Variants in HECA observed in about 807,000 individuals in gnomAD.
HECA encodes HECA ribonucleoprotein granule regulator.
Under a neutral mutation model 37.6 loss-of-function variants are expected in HECA, and 13 were observed. The observed-to-expected ratio is 0.35, with a 90% CI of 0.23 to 0.55. HECA has a LOEUF of 0.55. Among genes scored for constraint, HECA ranks in the 20% least tolerant of loss-of-function variants. HECA has a pLI of 0.90. For missense variants in HECA, 527 were observed against 701.9 expected (o/e 0.75, Z 2.82); for synonymous variants, 307 against 291.5 (o/e 1.05, Z -0.54).
At chr6:139,152,418 A>ATGTGTGTGTGTGTGTGTGTGTG (rs56410451) in intron 1 of HECA, among the ~76,000 whole-genome samples, 1,861 of 147,482 alleles carry the variant, frequency 0.013, 29 homozygotes, top group South Asian at 0.052. Flanking sequence ...GAAGCATTGG[A>ATGTGTGTGTGTGTGTGTGTGTG]TGTGTGTGTG....
Position 139,179,053 on chromosome 6 carries a change from A to G in HECA, c.*1948A>G, listed in dbSNP as rs148047269. On this transcript the variant is annotated 3_prime_UTR_variant, in exon 4 of 4. Transcript: ENST00000367658. Reference sequence around the variant, plus strand: ...GTGGGAAGAAATGCATAAAATGCCTATAAGAAGTAGAAAGTCATTGAACTG... The same window carrying G: ...GTGGGAAGAAATGCATAAAATGCCTGTAAGAAGTAGAAAGTCATTGAACTG... The G allele has an allele frequency of 5.6e-4, 86 of 152,294 alleles. No individual in the cohort carries two copies. Among genetic ancestry groups the G allele is most frequent in the African/African-American group, 2.1e-3 (86 of 41,562 alleles). The allele number at this position is 152,294 out of a possible 1,614,324, so 9.4% of individuals were successfully genotyped here.
rs539395892 is a variant in HECA at position 139,153,619 on chromosome 6, C to T, written c.272-12665C>T. ...TGTATTTTTAGTAGAGACGAGGTTT[C>T]GCCATGTTGGTCAGGCTGGTCACTC... On this transcript the variant is annotated intron_variant, in intron 1 of 3. Coordinates refer to ENST00000367658, the MANE Select transcript of HECA (RefSeq NM_016217.3). Among the ~76,000 whole-genome samples the T allele has an allele frequency of 7.2e-5, 11 of 152,002 alleles. No individual in the cohort carries two copies. The East Asian group carries it at 1.4e-3, about 19-fold the overall frequency.
In HECA at chr6:139,153,261, G is replaced by A. The variant is rs992251910; in HGVS notation, c.272-13023G>A. 2.6e-5 allele frequency: 4 copies of A among 152,064 alleles called. No homozygotes were observed. In the East Asian group the frequency reaches 7.7e-4, roughly 29 times the overall value. The allele number at this position is 152,064 out of a possible 1,614,324, so 9.4% of individuals were successfully genotyped here. ...CTAAGAGAATTAGAAAAAAAACAGG[G>A]TTCTTGTAAATTTTTAAGTTGTCAC... is the stretch of plus-strand genomic sequence containing the variant. On this transcript the variant is annotated intron_variant, in intron 1 of 3. Transcript: ENST00000367658.
chr6:139,164,334 C>T (rs1255544360), intron 1 of HECA, among the ~76,000 whole-genome samples: 1 of 152,018 alleles, frequency 6.6e-6, no homozygotes, highest in African/African-American at 2.4e-5. Context: ...GTAGTATTTC[C>T]CTCCAAAGGG....
In HECA at chr6:139,148,967, G is replaced by A. The variant is rs547846015; in HGVS notation, c.271+13300G>A. On this transcript the variant is annotated intron_variant, in intron 1 of 3. Transcript: ENST00000367658. Reference sequence around the variant, plus strand: ...GTAGATAAAGACTCATTATTTACTTGTAATTGCCTCTTCTCAAGAACCAGG... The same window carrying A: ...GTAGATAAAGACTCATTATTTACTTATAATTGCCTCTTCTCAAGAACCAGG... 2.0e-5 allele frequency among the ~76,000 whole-genome samples: 3 copies of A among 152,168 alleles called. No homozygotes were observed. In the South Asian group the frequency reaches 6.2e-4, roughly 32 times the overall value.
At chr6:139,174,571 G>A in intron 3 of HECA, 32 bp downstream of exon 3, 1 of 1,604,354 alleles carries the variant, frequency 6.2e-7, no homozygotes, top group East Asian at 2.2e-5. Flanking sequence ...GGAGCAGTGG[G>A]TGATATTAGG....
intron 1 of HECA, chr6:139,144,450 G>A (rs1436179305): frequency 6.6e-6 from 1 of 152,456 alleles, no homozygotes; most frequent in Non-Finnish European, 1.5e-5. Flanking sequence ...AAAGGTAGAG[G>A]AAGGATGTTC....
At position 139,135,262 on chromosome 6, in the gene HECA, C is replaced by A; in HGVS notation, c.-135C>A. ...GCGCGGCACGGGCCGTGCGGCTAGA[C>A]GGGAGCCGAGGGAACCGCCGGCTCG... On this transcript the variant is annotated 5_prime_UTR_variant, in exon 1 of 4. Coordinates refer to ENST00000367658, the MANE Select transcript of HECA (RefSeq NM_016217.3). The A allele has an allele frequency of 1.5e-6, 1 of 680,396 alleles. No individual in the cohort carries two copies. The highest frequency in any genetic ancestry group is 1.9e-6 in the Non-Finnish European group (1 of 523,754). The allele number at this position is 680,396 out of a possible 1,614,324, so 42.1% of individuals were successfully genotyped here.
chr6:139,157,455 A>G (rs778074126), intron 1 of HECA, among the ~76,000 whole-genome samples: 2 of 152,276 alleles, frequency 1.3e-5, no homozygotes, highest in Non-Finnish European at 2.9e-5. Context: ...CAGAGTACTT[A>G]TTTGTCTGAC....
chr6:139,137,341 C>T lies in HECA; in HGVS notation c.271+1674C>T, dbSNP rs141261346. Among the ~76,000 whole-genome samples, 394 of 152,238 alleles carry T rather than the reference C, an allele frequency of 2.6e-3. 5 individuals are homozygous for T. Among genetic ancestry groups the T allele is most frequent in the African/African-American group, 8.9e-3 (369 of 41,524 alleles). ...TGAAAAAAAATTACCCTGGCTCCCT[C>T]CTAGTGTTATTGAGAGGCTCAGAGT... is the stretch of plus-strand genomic sequence containing the variant. On this transcript the variant is annotated intron_variant, in intron 1 of 3. Transcript: ENST00000367658.
At chr6:139,152,199 A>G (rs1447832752) in intron 1 of HECA, among the ~76,000 whole-genome samples, 3 of 152,148 alleles carry the variant, frequency 2.0e-5, no homozygotes, top group Non-Finnish European at 4.4e-5. Context: ...CTTTATAGTC[A>G]TTATTGATGT....
intron 1 of HECA, among the ~76,000 whole-genome samples, chr6:139,156,829 T>G (rs1405590541): frequency 1.3e-5 from 2 of 152,208 alleles, no homozygotes; most frequent in African/African-American, 4.8e-5. Flanking sequence ...TAAAATGCAG[T>G]CATGCTTCAT....
At chr6:139,167,637 G>T (rs944918341) in intron 2 of HECA, among the ~76,000 whole-genome samples, 39 of 152,198 alleles carry the variant, frequency 2.6e-4, no homozygotes, top group African/African-American at 8.2e-4. Flanking sequence ...GTCACTTACT[G>T]TAAACCTGTT....
intron 2 of HECA, chr6:139,169,617 A>G (rs573445498): frequency 4.6e-5 from 7 of 152,304 alleles, no homozygotes; most frequent in African/African-American, 9.6e-5. Flanking sequence ...ACTTCTCACA[A>G]TTCTGTGGGT....
chr6:139,168,913 A>AATGTCACT (rs1211686600), intron 2 of HECA, among the ~76,000 whole-genome samples: 15 of 152,094 alleles, frequency 9.9e-5, no homozygotes, highest in African/African-American at 3.6e-4. Flanking sequence ...CCCATCTTAC[A>AATGTCACT]ATGTCACTAT....
At position 139,179,426 on chromosome 6, in the gene HECA, G is replaced by A. The variant is rs1260718699; in HGVS notation, c.*2321G>A. On this transcript the variant is annotated 3_prime_UTR_variant, in exon 4 of 4. Coordinates refer to ENST00000367658, the MANE Select transcript of HECA (RefSeq NM_016217.3). ...TGTAGTGTATGCTGTGTTCCATGTT[G>A]CCTTTTTAGATGGCTTTCTACCCCC... 1 of 152,058 alleles carries A rather than the reference G, an allele frequency of 6.6e-6. No homozygotes were observed. Among genetic ancestry groups the A allele is most frequent in the Non-Finnish European group, 1.5e-5 (1 of 68,016 alleles). 9.4% of individuals were successfully genotyped at this position (152,058 alleles called of 1,614,324 possible). A position where few individuals can be genotyped will look rare whatever the true frequency, so the allele number is the denominator to read the frequency against.
At position 139,176,028 on chromosome 6, in the gene HECA, T is replaced by C. The variant is rs1775047316; in HGVS notation, c.1468-913T>C. 1.3e-5 allele frequency among the ~76,000 whole-genome samples: 2 copies of C among 152,348 alleles called. No individual in the cohort carries two copies. Among genetic ancestry groups the C allele is most frequent in the South Asian group, 2.1e-4 (1 of 4,834 alleles). ...AGATGTAGCCAAAAATAAGCAATAA[T>C]TGATTCTTAGAAAGGTATAACAGTG... On this transcript the variant is annotated intron_variant, in intron 3 of 3. Coordinates refer to ENST00000367658, the MANE Select transcript of HECA (RefSeq NM_016217.3). This position sits in a 1 kb window ranked among gnomAD's most constrained non-coding sequence, Gnocchi z 4.5.
chr6:139,150,898 C>G (rs1774642197), intron 1 of HECA, among the ~76,000 whole-genome samples: 2 of 152,162 alleles, frequency 1.3e-5, no homozygotes, highest in South Asian at 4.1e-4. Flanking sequence ...ATGAAATACT[C>G]CCTTGAAATC....
intron 1 of HECA, among the ~76,000 whole-genome samples, chr6:139,162,856 C>T (rs771590084): frequency 5.3e-5 from 8 of 152,100 alleles, no homozygotes; most frequent in African/African-American, 9.7e-5. Flanking sequence ...TTTAAGCTGT[C>T]GTGAGGTTTT....
Sources: gnomAD v4.1 joint callset for allele counts (sites outside exome capture counted in the v4.1 genomes callset) on GRCh38, gnomAD v4.1.1 for gene constraint, Gnocchi (gnomAD v3.1) non-coding constraint, MANE v1.5 for transcripts, NCBI Gene and HGNC (gene_info 2026-07-23, HGNC 2026-07-21) for gene names.